ASTN2: variants seen among roughly 807,000 people sequenced by gnomAD.
The protein encoded by ASTN2 is astrotactin 2.
ASTN2 carries 54 observed loss-of-function variants against 139.8 expected under a neutral mutation model. That is an observed-to-expected ratio of 0.39 (90% CI 0.31 to 0.48). The LOEUF is 0.48. ASTN2 is among the 20% of genes least tolerant of loss of function. ASTN2 has a pLI of 0.95. For missense variants in ASTN2, 1,565 were observed against 1,725.1 expected (o/e 0.91, Z 1.64); for synonymous variants, 756 against 719.5 (o/e 1.05, Z -0.81).
At chr9:117,012,643 A>G (rs1215081853) in intron 6 of ASTN2, among the ~76,000 whole-genome samples, 1 of 152,206 alleles carries the variant, frequency 6.6e-6, no homozygotes, top group Admixed American at 6.5e-5. Flanking sequence ...AAGGGGACTC[A>G]AAGAGGAACA....
At chr9:116,448,251 C>T (rs1181884548) in intron 20 of ASTN2, among the ~76,000 whole-genome samples, 3 of 152,210 alleles carry the variant, frequency 2.0e-5, no homozygotes, top group African/African-American at 7.2e-5. Context: ...CAAACAACTT[C>T]CACTTAGCTC....
At chr9:117,238,153 A>C (rs1833100090) in intron 2 of ASTN2, among the ~76,000 whole-genome samples, 1 of 152,170 alleles carries the variant, frequency 6.6e-6, no homozygotes, top group Admixed American at 6.5e-5. Flanking sequence ...GCGGGAAGGA[A>C]GGAAGGGCAA....
intron 19 of ASTN2, chr9:116,582,689 G>A (rs1419713266): frequency 1.3e-5 from 2 of 152,198 alleles, no homozygotes; most frequent in Non-Finnish European, 2.9e-5. Flanking sequence ...ACACCAGTAA[G>A]CATGAGAAAA....
chr9:116,529,657 G>A (rs1044947839), intron 19 of ASTN2, among the ~76,000 whole-genome samples: 3 of 152,234 alleles, frequency 2.0e-5, no homozygotes, highest in Admixed American at 2.0e-4. Context: ...ATCCCCACGT[G>A]TCAGGGGAGG....
intron 13 of ASTN2, among the ~76,000 whole-genome samples, chr9:116,761,505 T>A (rs922467040): frequency 6.6e-6 from 1 of 152,124 alleles, no homozygotes; most frequent in African/African-American, 2.4e-5. Flanking sequence ...ACTCCTGATG[T>A]CAATCAAGAA....
chr9:117,382,885 T>A (rs1830307102), intron 1 of ASTN2, among the ~76,000 whole-genome samples: 1 of 152,126 alleles, frequency 6.6e-6, no homozygotes, highest in African/African-American at 2.4e-5. Context: ...ACACAATAGA[T>A]GACTCTCAAA....
intron 2 of ASTN2, among the ~76,000 whole-genome samples, chr9:117,216,013 C>T (rs1177015940): frequency 4.6e-5 from 7 of 152,138 alleles, no homozygotes; most frequent in Middle Eastern, 3.2e-3. Flanking sequence ...ACTCTAGAGC[C>T]TATATTCTTT....
At chr9:117,002,016 T>A (rs1837206451) in intron 7 of ASTN2, among the ~76,000 whole-genome samples, 1 of 152,174 alleles carries the variant, frequency 6.6e-6, no homozygotes. Context: ...ACAAAGTGGA[T>A]CTGAGTTAAG....
chr9:117,037,490 C>T (rs1314944184), intron 6 of ASTN2, among the ~76,000 whole-genome samples: 4 of 152,052 alleles, frequency 2.6e-5, no homozygotes, highest in Admixed American at 2.0e-4. Context: ...GACAGAGGCT[C>T]AGAGAGGGGA....
At chr9:117,012,413 T>C (rs1243514960) in intron 6 of ASTN2, among the ~76,000 whole-genome samples, 1 of 152,190 alleles carries the variant, frequency 6.6e-6, no homozygotes, top group African/African-American at 2.4e-5. Flanking sequence ...GAAGTAACTT[T>C]GTGCCAAATT....
intron 6 of ASTN2, among the ~76,000 whole-genome samples, chr9:117,024,212 C>T (rs897448600): frequency 6.6e-6 from 1 of 152,172 alleles, no homozygotes; most frequent in Non-Finnish European, 1.5e-5. Flanking sequence ...ATTACCTTCT[C>T]TATCTTCTAC....
At chr9:117,117,912 C>T (rs1159944016) in intron 4 of ASTN2, among the ~76,000 whole-genome samples, 1 of 152,056 alleles carries the variant, frequency 6.6e-6, no homozygotes, top group Non-Finnish European at 1.5e-5. Flanking sequence ...ACCCAAAGGC[C>T]CCTGCGTCTC....
intron 10 of ASTN2, among the ~76,000 whole-genome samples, chr9:116,966,362 T>C (rs1476712130): frequency 6.6e-6 from 1 of 152,164 alleles, no homozygotes; most frequent in East Asian, 1.9e-4. Flanking sequence ...TATTCCAAAG[T>C]CTCCATTTCA....
intron 4 of ASTN2, among the ~76,000 whole-genome samples, chr9:117,134,272 A>G (rs1279568880): frequency 3.4e-5 from 2 of 58,144 alleles, no homozygotes; most frequent in Admixed American, 4.8e-4. Flanking sequence ...AAAATTATAT[A>G]TATATATATA....
In ASTN2 at chr9:117,099,967, A is replaced by G. The variant is rs78475883; in HGVS notation, c.1169-3816T>C. On this transcript the variant is annotated intron_variant, in intron 4 of 22. Transcript: ENST00000313400. ...CAAAGCTTGCTTCGTACCTAATACA[A>G]CCAGGGAAAGTGTGTGTGTCTGTGC... Among the ~76,000 whole-genome samples the G allele has an allele frequency of 5.1e-4, 77 of 152,332 alleles. No individual in the cohort carries two copies. In the East Asian group the frequency reaches 0.013, roughly 26 times the overall value.
intron 2 of ASTN2, among the ~76,000 whole-genome samples, chr9:117,226,101 G>A (rs1299827279): frequency 6.6e-6 from 1 of 152,206 alleles, no homozygotes; most frequent in Non-Finnish European, 1.5e-5. Context: ...TAGAGAAAGT[G>A]AGGATAAAAA....
At chr9:116,572,182 C>A (rs148040547) in intron 19 of ASTN2, among the ~76,000 whole-genome samples, 2 of 152,140 alleles carry the variant, frequency 1.3e-5, no homozygotes, top group African/African-American at 4.8e-5. Context: ...CTTCGGGTGC[C>A]CCAGCCTCTC....
intron 19 of ASTN2, among the ~76,000 whole-genome samples, chr9:116,491,336 A>T (rs1472778460): frequency 1.3e-5 from 2 of 152,236 alleles, no homozygotes; most frequent in African/African-American, 2.4e-5. Flanking sequence ...GCAGTTAAAA[A>T]GGAAGATAGC....
chr9:117,319,050 T>C (rs908284182), intron 1 of ASTN2, among the ~76,000 whole-genome samples: 8 of 152,168 alleles, frequency 5.3e-5, no homozygotes, highest in African/African-American at 1.9e-4. Context: ...TTCCTTCTCT[T>C]CCAAAGGTGA....
Sources: allele counts gnomAD v4.1 joint callset (sites outside exome capture counted in the v4.1 genomes callset), GRCh38; gene constraint gnomAD v4.1.1; transcripts MANE v1.5; gene names NCBI Gene and HGNC (gene_info 2026-07-23, HGNC 2026-07-21).